CPVL: variants seen among roughly 807,000 people sequenced by gnomAD.
The protein encoded by CPVL is probable serine carboxypeptidase CPVL.
Under a neutral mutation model 63.7 loss-of-function variants are expected in CPVL, and 51 were observed. The ratio of observed to expected loss-of-function variants is 0.80; its 90% CI spans 0.64 to 1.01. The LOEUF is 1.01. Ranked by LOEUF, CPVL falls within the 50% of genes least tolerant of loss-of-function variation. The probability of loss-of-function intolerance (pLI) is 0.00; values close to 1 mark genes in which losing one functional copy is unlikely to be tolerated. For missense variants in CPVL, 530 were observed against 573.1 expected (o/e 0.92, Z 0.77); for synonymous variants, 195 against 206.0 (o/e 0.95, Z 0.46).
At chr7:29,043,455 T>C (rs1161094161) in intron 11 of CPVL, among the ~76,000 whole-genome samples, 1 of 152,158 alleles carries the variant, frequency 6.6e-6, no homozygotes, top group Non-Finnish European at 1.5e-5. Context: ...CTTTTCCCTT[T>C]TCTTTCCAGA....
At chr7:29,183,058 A>G (rs924148222) in intron 4 of CPVL, among the ~76,000 whole-genome samples, 23 of 151,806 alleles carry the variant, frequency 1.5e-4, no homozygotes, top group Admixed American at 9.2e-4. Flanking sequence ...ACAGGTACGA[A>G]GGCAACTGGA....
chr7:29,046,622 C>T (rs959565723), intron 11 of CPVL, among the ~76,000 whole-genome samples: 2 of 151,832 alleles, frequency 1.3e-5, no homozygotes, highest in African/African-American at 2.4e-5. Context: ...GAAAATACAG[C>T]ACAAATGATT....
chr7:29,035,979 A>G (rs1788487456), intron 11 of CPVL, among the ~76,000 whole-genome samples: 3 of 152,190 alleles, frequency 2.0e-5, no homozygotes, highest in African/African-American at 7.2e-5. Flanking sequence ...AAGTCTACTC[A>G]TTAGTTTTGC....
intron 11 of CPVL, among the ~76,000 whole-genome samples, chr7:29,038,503 C>A (rs1788760676): frequency 6.6e-6 from 1 of 152,166 alleles, no homozygotes; most frequent in Non-Finnish European, 1.5e-5. Context: ...TATGTTACAG[C>A]AGCCTGAACT....
chr7:29,158,308 A>G (rs1387340070), intron 5 of CPVL, among the ~76,000 whole-genome samples: 1 of 152,220 alleles, frequency 6.6e-6, no homozygotes, highest in Non-Finnish European at 1.5e-5. Flanking sequence ...AGTTTCCACC[A>G]TCCTATAATA....
At chr7:29,105,845 T>A (rs1199322997) in intron 3 of CPVL, among the ~76,000 whole-genome samples, 5 of 152,136 alleles carry the variant, frequency 3.3e-5, no homozygotes, top group Non-Finnish European at 2.9e-5. Flanking sequence ...TGGGTAGGCT[T>A]CCTATGTCCA....
chr7:29,020,520 T>C (rs1049586649), intron 12 of CPVL, among the ~76,000 whole-genome samples: 1 of 152,218 alleles, frequency 6.6e-6, no homozygotes, highest in African/African-American at 2.4e-5. Flanking sequence ...AAATTTACTA[T>C]GAGCCAGGAA....
chr7:29,064,339 T>A, intron 10 of CPVL, 105 bp from the exon 11 acceptor site: 1 of 625,214 alleles, frequency 1.6e-6, no homozygotes, highest in Non-Finnish European at 2.7e-6. Context: ...TGGAGAAACG[T>A]GACGGGACTA....
rs893653025 is a variant in CPVL, at chr7:29,120,918, G to A, written c.144C>T (p.Tyr48=). The change falls in exon 2 of 13, where the codon TAC becomes TAT. Residue 48 remains tyrosine, a synonymous_variant. Transcript: ENST00000265394. ...DSGQPLFLTP[Y]IEAGKIQKGR... ...CTTTTTGGATCTTCCCAGCTTCAATGTAAGGGGTGAGAAATAATGGCTGTC... is the reference window on the plus strand; with the variant it reads ...CTTTTTGGATCTTCCCAGCTTCAATATAAGGGGTGAGAAATAATGGCTGTC... 3.7e-6 allele frequency: 6 copies of A among 1,612,178 alleles called. No individual in the cohort carries two copies. The African/African-American group carries it at 6.7e-5, about 18-fold the overall frequency.
chr7:29,113,944 C>A (rs1205971085), intron 2 of CPVL, among the ~76,000 whole-genome samples: 2 of 152,114 alleles, frequency 1.3e-5, no homozygotes, highest in African/African-American at 4.8e-5. Flanking sequence ...TCAAGAAAAG[C>A]GATGTAAGTC....
chr7:29,147,928 TATG>T (rs1792987626), upstream of CPVL, among the ~76,000 whole-genome samples: 1 of 152,230 alleles, frequency 6.6e-6, no homozygotes, highest in African/African-American at 2.4e-5. Context: ...TGCACTTAAA[TATG>T]ATGGTGCAGG....
chr7:29,057,407 G>A (rs139891330), intron 11 of CPVL, among the ~76,000 whole-genome samples: 94 of 152,144 alleles, frequency 6.2e-4, no homozygotes, highest in East Asian at 2.7e-3. Context: ...GTCCATTATC[G>A]GATGTGTCTT....
chr7:29,007,529 ACTC>A (rs747528656), intron 12 of CPVL, among the ~76,000 whole-genome samples: 22 of 152,194 alleles, frequency 1.4e-4, no homozygotes, highest in Non-Finnish European at 3.2e-4. Context: ...AATTTCTACA[ACTC>A]CTTTTATAAA....
At chr7:29,101,297 T>A (rs77195203) in intron 3 of CPVL, among the ~76,000 whole-genome samples, 1,579 of 152,338 alleles carry the variant, frequency 0.01, 23 homozygotes, top group African/African-American at 0.036. Flanking sequence ...TGCATTTATT[T>A]TTTTCAAAAG....
upstream of CPVL, chr7:29,146,994 G>C: frequency 6.4e-7 from 1 of 1,550,514 alleles, no homozygotes. Context: ...GTCCTGCCAA[G>C]CACTCTCCTG....
intron 2 of CPVL, 56 bp downstream of exon 2, chr7:29,120,837 A>AAAAAAG (rs1562779135): frequency 1.4e-6 from 2 of 1,425,832 alleles, no homozygotes; most frequent in Admixed American, 4.4e-5. Context: ...AAAAAAAAAA[A>AAAAAAG]AGAGAAACTG....
chr7:29,175,362 G>T (rs892378776), intron 5 of CPVL, among the ~76,000 whole-genome samples: 1 of 151,986 alleles, frequency 6.6e-6, no homozygotes, highest in African/African-American at 2.4e-5. Context: ...TTTCAGTAGA[G>T]AGGGGGTTTC....
chr7:29,051,901 AATATAT>A (rs373878691), intron 11 of CPVL, among the ~76,000 whole-genome samples: 383 of 147,576 alleles, frequency 2.6e-3, no homozygotes, highest in African/African-American at 8.7e-3. Context: ...TATAAATATA[AATATAT>A]ATATATATTC....
chr7:29,131,331 C>A (rs1398870235), intron 1 of CPVL, among the ~76,000 whole-genome samples: 2 of 152,094 alleles, frequency 1.3e-5, no homozygotes, highest in Non-Finnish European at 2.9e-5. Flanking sequence ...GAGGATAATC[C>A]TAGTAAATGT....
Sources: allele counts gnomAD v4.1 joint callset (sites outside exome capture counted in the v4.1 genomes callset), GRCh38; gene constraint gnomAD v4.1.1; transcripts MANE v1.5; gene names NCBI Gene and HGNC (gene_info 2026-07-23, HGNC 2026-07-21).